EXOC6B: variants seen among roughly 807,000 people sequenced by gnomAD.
EXOC6B encodes SEC15 homolog B.
A neutral mutation model predicts 113.5 loss-of-function variants in EXOC6B; 54 were observed. The ratio of observed to expected loss-of-function variants is 0.48; its 90% confidence interval spans 0.38 to 0.60. The LOEUF (loss-of-function observed/expected upper bound fraction) is 0.60. EXOC6B is among the 20% of genes least tolerant of loss of function. The pLI is 0.00. For synonymous variants in EXOC6B, 357 were observed against 339.0 expected (o/e 1.05, Z -0.58); for missense variants, 797 against 977.5 (o/e 0.82, Z 2.46).
chr2:72,708,257 A>G (rs1438310838), intron 6 of EXOC6B, among the ~76,000 whole-genome samples: 2 of 152,192 alleles, frequency 1.3e-5, no homozygotes, highest in Non-Finnish European at 2.9e-5. Context: ...TAGCAATGAC[A>G]TGTTAGGATA....
intron 20 of EXOC6B, among the ~76,000 whole-genome samples, chr2:72,317,228 A>G (rs1687572464): frequency 6.6e-6 from 1 of 152,112 alleles, no homozygotes; most frequent in Non-Finnish European, 1.5e-5. Context: ...AAGGGCATAA[A>G]ACAGATCAAG....
At chr2:72,302,235 G>C (rs141246054) in intron 20 of EXOC6B, among the ~76,000 whole-genome samples, 1,939 of 152,250 alleles carry the variant, frequency 0.013, 12 homozygotes, top group Non-Finnish European at 0.019. Flanking sequence ...TTTTGCATTT[G>C]CTGAGGATTG....
chr2:72,768,826 T>C (rs1558986891), intron 1 of EXOC6B, among the ~76,000 whole-genome samples: 1 of 152,106 alleles, frequency 6.6e-6, no homozygotes, highest in African/African-American at 2.4e-5. Flanking sequence ...AAGAAAACTA[T>C]ACTTGGCCAG....
rs540205038 is a variant in EXOC6B at position 72,205,490 on chromosome 2, G to A, written c.2197-21303C>T. Among the ~76,000 whole-genome samples the A allele has an allele frequency of 5.3e-5, 8 of 152,200 alleles. No homozygotes were observed. The South Asian group carries it at 1.7e-3, about 32-fold the overall frequency. Reference sequence around the variant, plus strand: ...AATGAGACCTCTATAACCAGAAAAGGCCAGGGAATGCTCTATTTAATCCAA... The same window carrying A: ...AATGAGACCTCTATAACCAGAAAAGACCAGGGAATGCTCTATTTAATCCAA... On this transcript the variant is annotated intron_variant, in intron 20 of 21. Coordinates refer to ENST00000272427, the MANE Select transcript of EXOC6B (RefSeq NM_015189.3).
intron 8 of EXOC6B, among the ~76,000 whole-genome samples, chr2:72,525,189 A>C (rs1701695829): frequency 1.3e-5 from 2 of 152,240 alleles, no homozygotes; most frequent in South Asian, 4.1e-4. Context: ...GAAGAAAGTA[A>C]ACATTATGAT....
rs1372786318 is a variant in EXOC6B at position 72,201,679 on chromosome 2, G to C, written c.2197-17492C>G. ...ACACAAACTATTTCTTCTCTGAATT[G>C]TAATGTTAGGGAGTTACATCCCCAT... On this transcript the variant is annotated intron_variant, in intron 20 of 21. Coordinates refer to ENST00000272427, the MANE Select transcript of EXOC6B (RefSeq NM_015189.3). Among the ~76,000 whole-genome samples the C allele has an allele frequency of 2.0e-5, 3 of 152,184 alleles. No individual in the cohort carries two copies. In the East Asian group the frequency reaches 5.8e-4, roughly 29 times the overall value.
chr2:72,735,014 T>C (rs1292478147), intron 2 of EXOC6B, among the ~76,000 whole-genome samples: 1 of 152,198 alleles, frequency 6.6e-6, no homozygotes, highest in Non-Finnish European at 1.5e-5. Flanking sequence ...CCAATGTTTG[T>C]TACTAGAAAA....
rs1301975311 is a variant in EXOC6B at position 72,763,421 on chromosome 2, G to T, written c.114-21952C>A. On this transcript the variant is annotated intron_variant, in intron 1 of 21. Transcript: ENST00000272427. ...TTCCAGAGAAAGTCAATTTGAACGTGTTTTTTCTTTTTTTTTTTTTTCTTT... is the reference window on the plus strand; with the variant it reads ...TTCCAGAGAAAGTCAATTTGAACGTTTTTTTTCTTTTTTTTTTTTTTCTTT... Among the ~76,000 whole-genome samples the T allele has an allele frequency of 1.8e-4, 26 of 148,528 alleles. No individual in the cohort carries two copies. In the East Asian group the frequency reaches 4.5e-3, roughly 26 times the overall value.
chr2:72,772,305 C>T (rs1683450522), intron 1 of EXOC6B, among the ~76,000 whole-genome samples: 1 of 152,126 alleles, frequency 6.6e-6, no homozygotes, highest in Non-Finnish European at 1.5e-5. Context: ...TGACCTAAGG[C>T]TCCAGGCCTG....
rs1698225683 is a variant in EXOC6B at position 72,468,910 on chromosome 2, TTC to T, written c.1801-3573_1801-3572del. 1.3e-5 allele frequency among the ~76,000 whole-genome samples: 2 copies of T among 152,146 alleles called. 1 individual carries two copies. The highest frequency in any genetic ancestry group is 4.1e-4 in the South Asian group (2 of 4,828). ...TAATAATCTTAAGGTGTCCTTGAAT[TTC>T]TGTTTTGCTAAAAGTCTTTTTCATT... On this transcript the variant is annotated intron_variant, in intron 17 of 21. Transcript: ENST00000272427.
chr2:72,229,515 T>C (rs973796961), intron 20 of EXOC6B, among the ~76,000 whole-genome samples: 6 of 152,118 alleles, frequency 3.9e-5, no homozygotes, highest in African/African-American at 1.4e-4. Context: ...TTTCCAGACC[T>C]GAAAGAAGCC....
intron 20 of EXOC6B, among the ~76,000 whole-genome samples, chr2:72,276,977 C>T (rs1232152380): frequency 1.3e-5 from 2 of 152,126 alleles, no homozygotes; most frequent in African/African-American, 2.4e-5. Flanking sequence ...CTATACTGTT[C>T]ACTCATTCCT....
At chr2:72,752,347 A>G (rs530220556) in intron 1 of EXOC6B, among the ~76,000 whole-genome samples, 104 of 152,172 alleles carry the variant, frequency 6.8e-4, no homozygotes, top group African/African-American at 2.4e-3. Context: ...TGTTCTAAAA[A>G]TCTCATATAT....
chr2:72,196,280 C>A (rs1166425650), intron 20 of EXOC6B, among the ~76,000 whole-genome samples: 1 of 152,058 alleles, frequency 6.6e-6, no homozygotes, highest in Non-Finnish European at 1.5e-5. Context: ...CAAATTACAA[C>A]CCAGGCATCC....
intron 6 of EXOC6B, among the ~76,000 whole-genome samples, chr2:72,654,083 C>T (rs971010438): frequency 1.3e-5 from 2 of 151,864 alleles, no homozygotes; most frequent in Non-Finnish European, 2.9e-5. Context: ...CATTCTCCTG[C>T]CTCAGCCTCC....
chr2:72,378,548 A>T (rs908511106), intron 19 of EXOC6B, among the ~76,000 whole-genome samples: 11 of 152,188 alleles, frequency 7.2e-5, no homozygotes, highest in African/African-American at 2.7e-4. Flanking sequence ...TCCAATTTAC[A>T]ATTGTTTATG....
chr2:72,186,729 C>A (rs1394451963), intron 20 of EXOC6B, among the ~76,000 whole-genome samples: 1 of 152,104 alleles, frequency 6.6e-6, no homozygotes, highest in Non-Finnish European at 1.5e-5. Flanking sequence ...TTCCTAATTT[C>A]TGTGATGGAA....
In EXOC6B at chr2:72,741,559, A is replaced by G. The variant is rs564475420; in HGVS notation, c.114-90T>C. 54 of 1,147,946 alleles carry G rather than the reference A, an allele frequency of 4.7e-5. 2 individuals are homozygous for G. The South Asian group carries it at 8.5e-4, about 18-fold the overall frequency. The allele number at this position is 1,147,946 out of a possible 1,614,324, so 71.1% of individuals were successfully genotyped here. On this transcript the variant is annotated intron_variant, in intron 1 of 21. Transcript: ENST00000272427. ...AAATCCAGAAGCAAATTTAGGGCAC[A>G]TAAGCCACAAAATAATCCAACTGTA...
intron 18 of EXOC6B, chr2:72,461,754 C>T (rs899817616): frequency 3.3e-5 from 5 of 151,960 alleles, no homozygotes; most frequent in Non-Finnish European, 7.4e-5. Flanking sequence ...GTTTCTGAGG[C>T]ATATTGAAAA....
Sources: gnomAD v4.1 joint callset for allele counts (sites outside exome capture counted in the v4.1 genomes callset) on GRCh38, gnomAD v4.1.1 for gene constraint, MANE v1.5 for transcripts, NCBI Gene and HGNC (gene_info 2026-07-23, HGNC 2026-07-21) for gene names.